Variants in CAP2 observed in about 807,000 individuals in gnomAD.
CAP2 encodes the protein cyclase associated actin cytoskeleton regulatory protein 2.
In CAP2, 24 loss-of-function variants were observed where a neutral mutation model predicts 57.7. That is an observed-to-expected ratio of 0.42 (90% CI 0.30 to 0.58). The LOEUF is 0.58. CAP2 is among the 20% of genes least tolerant of loss of function. CAP2 has a pLI of 0.22. For synonymous variants in CAP2, 194 were observed against 207.2 expected (o/e 0.94, Z 0.55); for missense variants, 501 against 590.3 (o/e 0.85, Z 1.57).
chr6:17,553,927 A>C (rs1763232238), intron 12 of CAP2, among the ~76,000 whole-genome samples: 1 of 152,194 alleles, frequency 6.6e-6, no homozygotes, highest in Admixed American at 6.5e-5. Flanking sequence ...CTGGTTCTTG[A>C]GAACAAACAC....
intron 1 of CAP2, among the ~76,000 whole-genome samples, chr6:17,408,172 G>C (rs1195453023): frequency 6.6e-6 from 1 of 152,172 alleles, no homozygotes; most frequent in Non-Finnish European, 1.5e-5. Context: ...TTGGCTGACA[G>C]TTCTGCAGGC....
intron 4 of CAP2, among the ~76,000 whole-genome samples, chr6:17,496,775 C>T (rs1163678392): frequency 3.9e-5 from 6 of 152,214 alleles, no homozygotes; most frequent in African/African-American, 1.4e-4. Context: ...TATCTTAACA[C>T]TCACAGGGGA....
At chr6:17,416,754 A>G (rs960855982) in intron 1 of CAP2, among the ~76,000 whole-genome samples, 1 of 152,222 alleles carries the variant, frequency 6.6e-6, no homozygotes, top group Non-Finnish European at 1.5e-5. Flanking sequence ...GGAAGAGGGT[A>G]GAACTATTGA....
At chr6:17,445,941 G>A (rs918537147) in intron 3 of CAP2, among the ~76,000 whole-genome samples, 1 of 152,206 alleles carries the variant, frequency 6.6e-6, no homozygotes, top group East Asian at 1.9e-4. Context: ...CAGAAATTAT[G>A]CGTTACACTT....
At chr6:17,401,857 C>T (rs1402526853) in intron 1 of CAP2, among the ~76,000 whole-genome samples, 1 of 152,172 alleles carries the variant, frequency 6.6e-6, no homozygotes, top group Non-Finnish European at 1.5e-5. Context: ...AACAGCCTCT[C>T]TCTTCCTTAG....
intron 7 of CAP2, among the ~76,000 whole-genome samples, chr6:17,521,362 G>A (rs1285556933): frequency 2.6e-5 from 4 of 151,896 alleles, no homozygotes; most frequent in Non-Finnish European, 4.4e-5. Flanking sequence ...AGCTTGCAGT[G>A]AGCCAAGATG....
At chr6:17,534,789 G>A (rs1246084612) in intron 7 of CAP2, among the ~76,000 whole-genome samples, 4 of 152,124 alleles carry the variant, frequency 2.6e-5, no homozygotes, top group African/African-American at 9.7e-5. Context: ...CCTCTGCCAT[G>A]AGAGTCTAAC....
intron 6 of CAP2, among the ~76,000 whole-genome samples, chr6:17,511,275 G>A (rs1317514802): frequency 1.3e-5 from 2 of 152,024 alleles, no homozygotes; most frequent in Admixed American, 6.5e-5. Flanking sequence ...CAAGCCCGTG[G>A]TGCCGTCTCT....
intron 3 of CAP2, among the ~76,000 whole-genome samples, chr6:17,451,615 T>C (rs955713568): frequency 3.3e-5 from 5 of 151,984 alleles, no homozygotes; most frequent in Non-Finnish European, 5.9e-5. Context: ...GTTCAAGCGA[T>C]TCTCCTGCCT....
At chr6:17,459,508 A>C (rs1260281655) in intron 3 of CAP2, among the ~76,000 whole-genome samples, 9 of 152,236 alleles carry the variant, frequency 5.9e-5, no homozygotes. Context: ...GCTAGCATGC[A>C]AAGTAGAAAG....
chr6:17,482,634 C>G (rs1291920533), intron 4 of CAP2, among the ~76,000 whole-genome samples: 3 of 151,294 alleles, frequency 2.0e-5, no homozygotes, highest in African/African-American at 7.3e-5. Flanking sequence ...TGCTGGTAAT[C>G]TGGTGTTTCG....
intron 2 of CAP2, among the ~76,000 whole-genome samples, chr6:17,425,705 C>T (rs1004857545): frequency 3.3e-5 from 5 of 152,000 alleles, no homozygotes; most frequent in African/African-American, 9.7e-5. Context: ...TCCCTGGGTC[C>T]GGAGGGAATG....
chr6:17,483,077 G>A (rs1761332692), intron 4 of CAP2, among the ~76,000 whole-genome samples: 1 of 152,224 alleles, frequency 6.6e-6, no homozygotes, highest in Admixed American at 6.5e-5. Context: ...ACCTGCTCAG[G>A]TGGAGAGTTC....
At chr6:17,439,400 A>G (rs1760004402) in intron 3 of CAP2, among the ~76,000 whole-genome samples, 1 of 151,140 alleles carries the variant, frequency 6.6e-6, no homozygotes, top group African/African-American at 2.5e-5. Context: ...TGTTCATTCC[A>G]TTGTGCTGTT....
intron 1 of CAP2, among the ~76,000 whole-genome samples, chr6:17,403,086 AT>A (rs1169472048): frequency 6.6e-6 from 1 of 152,056 alleles, no homozygotes; most frequent in African/African-American, 2.4e-5. Context: ...GACCCATTTT[AT>A]TTATTTTTAT....
chr6:17,397,349 C>G (rs62393824), intron 1 of CAP2, among the ~76,000 whole-genome samples: 38,031 of 151,914 alleles, frequency 0.25, 4,960 homozygotes, highest in South Asian at 0.35. Flanking sequence ...CCTGAGCCAC[C>G]GCACCCAGCC....
chr6:17,407,319 A>G (rs148764294), intron 1 of CAP2, among the ~76,000 whole-genome samples: 2 of 152,270 alleles, frequency 1.3e-5, no homozygotes, highest in African/African-American at 4.8e-5. Flanking sequence ...ATTGTGTTGA[A>G]GTAATAAATT....
intron 1 of CAP2, among the ~76,000 whole-genome samples, chr6:17,399,286 C>A (rs1758749186): frequency 6.6e-6 from 1 of 152,170 alleles, no homozygotes; most frequent in Admixed American, 6.5e-5. Flanking sequence ...TGGTCTTGAA[C>A]TCCTGACCTC....
intron 3 of CAP2, among the ~76,000 whole-genome samples, chr6:17,440,598 A>G (rs1760043467): frequency 7.1e-6 from 1 of 140,130 alleles, no homozygotes; most frequent in Non-Finnish European, 1.5e-5. Flanking sequence ...TTTTGGGCTG[A>G]AAACAAACTG....
Sources: allele counts gnomAD v4.1 joint callset (sites outside exome capture counted in the v4.1 genomes callset), GRCh38; gene constraint gnomAD v4.1.1; transcripts MANE v1.5; gene names NCBI Gene and HGNC (gene_info 2026-07-23, HGNC 2026-07-21).